The following TTC29 variants were observed in gnomAD, a reference collection of about 807,000 sequenced individuals.
The protein encoded by TTC29 is tetratricopeptide repeat domain 29, also known as tetratricopeptide repeat protein 29.
Under a neutral mutation model 58.1 loss-of-function variants are expected in TTC29, and 49 were observed. That is an observed-to-expected ratio of 0.84 (90% CI 0.67 to 1.07). The LOEUF (loss-of-function observed/expected upper bound fraction) is 1.07, where lower values mean the gene tolerates loss of function less well. TTC29 is among the 50% of genes least tolerant of loss of function. The pLI is 0.00. For synonymous variants in TTC29, 209 were observed against 196.8 expected, an observed-to-expected ratio of 1.06 and a Z score of -0.52; for missense variants, 582 against 555.6, an observed-to-expected ratio of 1.05 and a Z score of -0.48.
chr4:146,797,552 A>T (rs1278458467), intron 11 of TTC29, among the ~76,000 whole-genome samples: 1 of 151,520 alleles, frequency 6.6e-6, no homozygotes, highest in Non-Finnish European at 1.5e-5. Context: ...TTTTTATTTC[A>T]GTACTTTAAA....
intron 11 of TTC29, among the ~76,000 whole-genome samples, chr4:146,800,029 T>A (rs1202526723): frequency 6.6e-6 from 1 of 152,242 alleles, no homozygotes; most frequent in Non-Finnish European, 1.5e-5. Flanking sequence ...CAATTTCAGT[T>A]GATTTAGGAT....
At chr4:146,913,879 T>A (rs1327668118) in intron 4 of TTC29, among the ~76,000 whole-genome samples, 1 of 152,174 alleles carries the variant, frequency 6.6e-6, no homozygotes, top group Non-Finnish European at 1.5e-5. Flanking sequence ...GATATATAAC[T>A]GATATCAATT....
At chr4:146,940,060 T>G (rs1206556154) in intron 2 of TTC29, among the ~76,000 whole-genome samples, 159 bp from the exon 3 acceptor site, 1 of 152,226 alleles carries the variant, frequency 6.6e-6, no homozygotes. Context: ...AGTGAGTGGA[T>G]TCTGCAGGTT....
Position 146,778,976 on chromosome 4 carries a change from C to CAAAAAA in TTC29, c.1330+24475_1330+24480dup, listed in dbSNP as rs369374851. On this transcript the variant is annotated intron_variant, in intron 11 of 12. Coordinates refer to ENST00000325106, the MANE Select transcript of TTC29 (RefSeq NM_031956.4). ...AACTGCACTTGTACTCCTAAATAAG[C>CAAAAAA]AAAAAAAAAAAAAAAAAAAAAAAAA... is the stretch of plus-strand genomic sequence containing the variant. 8.0e-3 allele frequency among the ~76,000 whole-genome samples: 229 copies of CAAAAAA among 28,556 alleles called. 7 individuals carry two copies. Among genetic ancestry groups the CAAAAAA allele is most frequent in the Middle Eastern group, 0.11 (2 of 18 alleles). The allele number at this position is 28,556 out of a possible 152,430, so 18.7% of individuals were successfully genotyped here.
intron 6 of TTC29, among the ~76,000 whole-genome samples, chr4:146,882,751 C>T (rs113352597): frequency 1.2e-3 from 183 of 152,100 alleles, no homozygotes; most frequent in East Asian, 6.4e-3. Context: ...AAGATGGTGA[C>T]GAGGAGAGTG....
intron 4 of TTC29, among the ~76,000 whole-genome samples, chr4:146,911,123 G>T (rs1196990058): frequency 6.6e-6 from 1 of 152,170 alleles, no homozygotes; most frequent in East Asian, 1.9e-4. Flanking sequence ...ATACGCAAGG[G>T]CATGCAAAGG....
intron 9 of TTC29, among the ~76,000 whole-genome samples, chr4:146,832,837 T>C (rs1330106407): frequency 6.6e-6 from 1 of 152,180 alleles, no homozygotes; most frequent in Non-Finnish European, 1.5e-5. Context: ...TATCCAGTGA[T>C]GACTGCGTTT....
At chr4:146,919,777 A>C (rs930851665) in intron 4 of TTC29, among the ~76,000 whole-genome samples, 1 of 151,214 alleles carries the variant, frequency 6.6e-6, no homozygotes, top group Non-Finnish European at 1.5e-5. Context: ...CATTATAAAT[A>C]AAAGAACTAT....
chr4:146,847,430 T>C (rs561660174), intron 8 of TTC29, among the ~76,000 whole-genome samples: 2 of 152,288 alleles, frequency 1.3e-5, no homozygotes, highest in South Asian at 2.1e-4. Context: ...CTATCCATAA[T>C]TGATGAAACA....
chr4:146,760,844 CTATATATATATGATGGAATACTA>C (rs1746839870), intron 11 of TTC29, among the ~76,000 whole-genome samples: 1 of 136,772 alleles, frequency 7.3e-6, no homozygotes, highest in Non-Finnish European at 1.5e-5. Flanking sequence ...TGATGGAATA[CTATATATATATGATGGAATACTA>C]TATATATATA....
intron 8 of TTC29, among the ~76,000 whole-genome samples, chr4:146,867,175 C>A (rs1211893967): frequency 6.6e-6 from 1 of 152,092 alleles, no homozygotes; most frequent in African/African-American, 2.4e-5. Flanking sequence ...TTGTTACTTA[C>A]TTTTTACCAT....
chr4:146,721,510 G>C (rs1168803940), intron 11 of TTC29, among the ~76,000 whole-genome samples: 1 of 152,102 alleles, frequency 6.6e-6, no homozygotes, highest in Admixed American at 6.6e-5. Context: ...TGATGTCTTA[G>C]AGCTAGTATA....
chr4:146,766,077 A>T (rs964478596), intron 11 of TTC29, among the ~76,000 whole-genome samples: 1 of 152,090 alleles, frequency 6.6e-6, no homozygotes, highest in African/African-American at 2.4e-5. Context: ...TCGGATTCAC[A>T]GTGTCTTAGT....
intron 9 of TTC29, among the ~76,000 whole-genome samples, chr4:146,822,926 C>T (rs1751942994): frequency 6.6e-6 from 1 of 152,040 alleles, no homozygotes; most frequent in Admixed American, 6.6e-5. Flanking sequence ...TGTTCATATC[C>T]TTTTTCCACT....
chr4:146,845,494 T>C (rs1168108397), intron 8 of TTC29, among the ~76,000 whole-genome samples: 2 of 152,180 alleles, frequency 1.3e-5, no homozygotes, highest in East Asian at 1.9e-4. Context: ...ATTATACCTA[T>C]GATAACATAA....
chr4:146,732,266 T>C (rs1744390401), intron 11 of TTC29, among the ~76,000 whole-genome samples: 1 of 152,144 alleles, frequency 6.6e-6, no homozygotes, highest in African/African-American at 2.4e-5. Context: ...CTTATAGACT[T>C]TAAAAATATA....
At chr4:146,723,988 T>C (rs1342310692) in intron 11 of TTC29, among the ~76,000 whole-genome samples, 2 of 152,168 alleles carry the variant, frequency 1.3e-5, no homozygotes, top group East Asian at 3.9e-4. Context: ...TTCCCATCAA[T>C]GGTGGACCGA....
At chr4:146,942,939 A>T (rs1736547145) in intron 2 of TTC29, 1 of 231,484 alleles carries the variant, frequency 4.3e-6, no homozygotes, top group Admixed American at 5.7e-5. Context: ...TTGTAGACAG[A>T]TAAAAGAGAG....
intron 6 of TTC29, among the ~76,000 whole-genome samples, chr4:146,891,312 A>G (rs148138807): frequency 1.3e-5 from 2 of 151,900 alleles, no homozygotes; most frequent in South Asian, 4.2e-4. Flanking sequence ...AATGTTAATT[A>G]CTCTTGTTTG....
Sources: gnomAD v4.1 joint callset for allele counts (sites outside exome capture counted in the v4.1 genomes callset) on GRCh38, gnomAD v4.1.1 for gene constraint, MANE v1.5 for transcripts, NCBI Gene and HGNC (gene_info 2026-07-23, HGNC 2026-07-21) for gene names.